The following PLCH1 variants were observed in gnomAD, a reference collection of about 807,000 sequenced individuals.
PLCH1 encodes phospholipase C eta 1, also known as 1-phosphatidylinositol 4,5-bisphosphate phosphodiesterase eta-1.
In PLCH1, 60 loss-of-function variants were observed where a neutral mutation model predicts 126.7. The ratio of observed to expected loss-of-function variants is 0.47; its 90% CI spans 0.38 to 0.59. PLCH1 has a LOEUF of 0.59. PLCH1 is among the 20% of genes least tolerant of loss of function. PLCH1 has a pLI of 0.00. For missense variants in PLCH1, 1,723 were observed against 2,040.0 expected (o/e 0.84, Z 2.99); for synonymous variants, 719 against 734.9 (o/e 0.98, Z 0.35).
rs1456492318 is a variant in PLCH1, at chr3:155,549,950, A to T, written c.1199T>A (p.Val400Asp). 6.2e-7 allele frequency: 1 copy of T among 1,613,330 alleles called. No homozygotes were observed. Among genetic ancestry groups the T allele is most frequent in the Non-Finnish European group, 8.5e-7 (1 of 1,179,730 alleles). Reference protein sequence around the residue: ...KHAFVKNEFPVILSIENHCSI... With the variant: ...KHAFVKNEFPDILSIENHCSI... Reference sequence around the variant, plus strand: ...GCAGTGATTCTCGATAGACAATATAACAGGAAACCTGAGAAAAGAGCAACA... The same window carrying T: ...GCAGTGATTCTCGATAGACAATATATCAGGAAACCTGAGAAAAGAGCAACA... The change falls in exon 10 of 23, where the codon GTT (valine) becomes GAT (aspartate). Residue 400 changes from valine (V) to aspartate (D), a missense_variant. Coordinates refer to ENST00000460012, the MANE Select transcript of PLCH1 (RefSeq NM_014996.4).
At chr3:155,488,926 G>T in intron 19 of PLCH1, 120 bp from the exon 20 acceptor site, 1 of 813,396 alleles carries the variant, frequency 1.2e-6, no homozygotes, top group Non-Finnish European at 1.9e-6. Flanking sequence ...AACTCATGAA[G>T]ACAACTAAGC....
chr3:155,598,390 A>C (rs1433213864), intron 2 of PLCH1, among the ~76,000 whole-genome samples: 1 of 152,158 alleles, frequency 6.6e-6, no homozygotes, highest in African/African-American at 2.4e-5. Flanking sequence ...TCAAGACAAA[A>C]CCACCAAATC....
At chr3:155,490,058 G>A (rs1029544207) in intron 19 of PLCH1, among the ~76,000 whole-genome samples, 9 of 152,132 alleles carry the variant, frequency 5.9e-5, no homozygotes, top group African/African-American at 2.2e-4. Context: ...CTAAGTTATA[G>A]GTTTGCCCTA....
intron 1 of PLCH1, among the ~76,000 whole-genome samples, chr3:155,723,486 G>C (rs1748101772): frequency 6.6e-6 from 1 of 151,734 alleles, no homozygotes; most frequent in Non-Finnish European, 1.5e-5. Context: ...GGGTTGGTTT[G>C]TTCCTGTTTC....
chr3:155,534,382 GT>G (rs1451478401), intron 10 of PLCH1, among the ~76,000 whole-genome samples: 1 of 152,162 alleles, frequency 6.6e-6, no homozygotes, highest in Non-Finnish European at 1.5e-5. Flanking sequence ...TATCTCCTTT[GT>G]TTTGGCCGAT....
chr3:155,657,687 C>T (rs983230631), intron 2 of PLCH1: 1 of 152,144 alleles, frequency 6.6e-6, no homozygotes, highest in Non-Finnish European at 1.5e-5. Flanking sequence ...GCATTATTTA[C>T]GCTTTAAACT....
In PLCH1 at chr3:155,615,646, C is replaced by G. The variant is rs544172961; in HGVS notation, c.80-19268G>C. 7.9e-5 allele frequency among the ~76,000 whole-genome samples: 12 copies of G among 152,198 alleles called. No individual in the cohort carries two copies. In the South Asian group the frequency reaches 2.5e-3, roughly 32 times the overall value. On this transcript the variant is annotated intron_variant, in intron 2 of 22. Coordinates refer to ENST00000460012, the MANE Select transcript of PLCH1 (RefSeq NM_014996.4). ...CTGAATGGAGCTGGAGACCATTATT[C>G]TAAGTGAAGTAACTCAGAAATGAAA...
At position 155,657,510 on chromosome 3, in the gene PLCH1, G is replaced by A. The variant is rs57856083; in HGVS notation, c.79+46636C>T. On this transcript the variant is annotated intron_variant, in intron 2 of 22. Transcript: ENST00000460012. Reference sequence around the variant, plus strand: ...TGAGTACTAATTAGTGCATATATGTGAGAAAACCACCCACAGCGAGATTGG... The same window carrying A: ...TGAGTACTAATTAGTGCATATATGTAAGAAAACCACCCACAGCGAGATTGG... Among the ~76,000 whole-genome samples, 1,045 of 152,208 alleles carry A rather than the reference G, an allele frequency of 6.9e-3. 15 individuals carry two copies. Among genetic ancestry groups the A allele is most frequent in the African/African-American group, 0.024 (995 of 41,510 alleles).
chr3:155,693,123 C>T (rs1464028675), intron 2 of PLCH1, among the ~76,000 whole-genome samples: 2 of 151,864 alleles, frequency 1.3e-5, no homozygotes, highest in Non-Finnish European at 2.9e-5. Context: ...AAATGTATAA[C>T]CAGATATGAG....
chr3:155,642,134 T>A (rs906419462), intron 2 of PLCH1, among the ~76,000 whole-genome samples: 1 of 152,226 alleles, frequency 6.6e-6, no homozygotes, highest in Non-Finnish European at 1.5e-5. Flanking sequence ...CTATGAGGTA[T>A]GTGCTATTAT....
intron 10 of PLCH1, among the ~76,000 whole-genome samples, chr3:155,530,098 ACTCTTCCTTTCACAAAAGATTT>A: frequency 6.6e-6 from 1 of 151,624 alleles, no homozygotes; most frequent in South Asian, 2.1e-4. Context: ...CCATTGATTG[ACTCTTCCTTTCACAAAAGATTT>A]CTCTGCAGCA....
intron 14 of PLCH1, 127 bp from the exon 15 acceptor site, chr3:155,497,544 G>C (rs1717233971): frequency 9.1e-6 from 6 of 662,232 alleles, no homozygotes; most frequent in Middle Eastern, 2.5e-4. Flanking sequence ...TCCTAAGGGA[G>C]CCAGGATTGG....
intron 1 of PLCH1, among the ~76,000 whole-genome samples, chr3:155,734,438 C>T (rs1577385093): frequency 6.6e-6 from 1 of 151,990 alleles, no homozygotes; most frequent in African/African-American, 2.4e-5. Flanking sequence ...CCAGACTGGG[C>T]AACAGAGTGA....
chr3:155,675,234 C>A (rs991477451), intron 2 of PLCH1, among the ~76,000 whole-genome samples: 1 of 152,122 alleles, frequency 6.6e-6, no homozygotes. Context: ...TTTGAGTAGA[C>A]GCATATGAAT....
intron 10 of PLCH1, among the ~76,000 whole-genome samples, chr3:155,537,976 C>T (rs567249026): frequency 1.1e-4 from 16 of 151,982 alleles, no homozygotes; most frequent in Non-Finnish European, 2.1e-4. Flanking sequence ...AAACATTCTC[C>T]AAGACAGACC....
At chr3:155,558,920 A>G (rs923113513) in intron 8 of PLCH1, among the ~76,000 whole-genome samples, 25 of 152,330 alleles carry the variant, frequency 1.6e-4, no homozygotes, top group African/African-American at 5.5e-4. Context: ...GGAGGACCAC[A>G]GAGATCATGT....
At chr3:155,525,273 C>G (rs766159073) in intron 10 of PLCH1, among the ~76,000 whole-genome samples, 2 of 152,132 alleles carry the variant, frequency 1.3e-5, no homozygotes, top group African/African-American at 4.8e-5. Context: ...GTATTAGAAC[C>G]TAATACCTCA....
At chr3:155,713,542 A>G (rs1428033705) in intron 1 of PLCH1, among the ~76,000 whole-genome samples, 3 of 152,256 alleles carry the variant, frequency 2.0e-5, no homozygotes, top group Non-Finnish European at 2.9e-5. Context: ...CATTTGGAGA[A>G]TGTTGGAATG....
intron 2 of PLCH1, among the ~76,000 whole-genome samples, chr3:155,692,704 A>C (rs1264784559): frequency 6.6e-6 from 1 of 152,046 alleles, no homozygotes; most frequent in East Asian, 1.9e-4. Context: ...GGATTCTCTG[A>C]GCCTCATTCT....
Sources: allele counts gnomAD v4.1 joint callset (sites outside exome capture counted in the v4.1 genomes callset), GRCh38; gene constraint gnomAD v4.1.1; transcripts MANE v1.5; gene names NCBI Gene and HGNC (gene_info 2026-07-23, HGNC 2026-07-21).